BABAM2: variants seen among roughly 807,000 people sequenced by gnomAD.
BABAM2 encodes BRISC and BRCA1 A complex member 2, also known as BRISC and BRCA1-A complex member 2.
A neutral mutation model predicts 54.7 loss-of-function variants in BABAM2; 31 were observed. The ratio of observed to expected loss-of-function variants is 0.57; its 90% CI spans 0.43 to 0.77. The LOEUF (loss-of-function observed/expected upper bound fraction) is 0.77, where lower values mean the gene tolerates loss of function less well. Ranked by LOEUF, BABAM2 falls within the 30% of genes least tolerant of loss-of-function variation. The probability of loss-of-function intolerance (pLI) is 0.00; values close to 1 mark genes in which losing one functional copy is unlikely to be tolerated. For synonymous variants in BABAM2, 167 were observed against 162.9 expected (o/e 1.03, Z -0.19); for missense variants, 364 against 455.8 (o/e 0.80, Z 1.83).
intron 11 of BABAM2, among the ~76,000 whole-genome samples, chr2:28,333,109 T>G (rs910700904): frequency 1.3e-5 from 2 of 151,946 alleles, no homozygotes; most frequent in African/African-American, 2.4e-5. Flanking sequence ...CCCATGATAA[T>G]AGTTGACATC....
chr2:27,918,763 A>G (rs1190232397), intron 2 of BABAM2, among the ~76,000 whole-genome samples: 1 of 151,966 alleles, frequency 6.6e-6, no homozygotes, highest in African/African-American at 2.4e-5. Context: ...ATGATGGCTC[A>G]CTGCAGTCTT....
chr2:28,264,129 G>C (rs933726367), intron 10 of BABAM2, among the ~76,000 whole-genome samples: 3 of 152,122 alleles, frequency 2.0e-5, no homozygotes, highest in Admixed American at 6.5e-5. Flanking sequence ...AGTCTTTCCA[G>C]CTAGGCTTTC....
intron 7 of BABAM2, among the ~76,000 whole-genome samples, chr2:28,189,672 T>A (rs1676691887): frequency 6.6e-6 from 1 of 152,044 alleles, no homozygotes. Context: ...GGGCCAGAAG[T>A]CTCAGTATTA....
intron 5 of BABAM2, among the ~76,000 whole-genome samples, chr2:28,041,574 G>C (rs964285307): frequency 1.3e-5 from 2 of 152,104 alleles, no homozygotes; most frequent in African/African-American, 4.8e-5. Context: ...AGAGTTTCTG[G>C]GTGACTTTGA....
chr2:27,947,350 C>T (rs1669372846), intron 3 of BABAM2, among the ~76,000 whole-genome samples: 1 of 152,052 alleles, frequency 6.6e-6, no homozygotes, highest in African/African-American at 2.4e-5. Flanking sequence ...GTTCAGAATA[C>T]ATATCTTTAA....
At chr2:28,222,089 T>C (rs1393445440) in intron 7 of BABAM2, among the ~76,000 whole-genome samples, 1 of 152,204 alleles carries the variant, frequency 6.6e-6, no homozygotes, top group Non-Finnish European at 1.5e-5. Context: ...CCGGAAGCTC[T>C]GTGGTGGACC....
chr2:28,112,966 C>T (rs1309972645), intron 6 of BABAM2, among the ~76,000 whole-genome samples: 1 of 151,984 alleles, frequency 6.6e-6, no homozygotes, highest in Non-Finnish European at 1.5e-5. Context: ...TGATGATGAG[C>T]TTTTTTCATG....
chr2:28,174,416 CAA>C (rs1179651138), intron 7 of BABAM2, among the ~76,000 whole-genome samples: 2 of 152,174 alleles, frequency 1.3e-5, no homozygotes, highest in Non-Finnish European at 2.9e-5. Flanking sequence ...GCCTCCTCCA[CAA>C]AGAGGAACCA....
chr2:28,186,865 G>A (rs904349472), intron 7 of BABAM2, among the ~76,000 whole-genome samples: 1 of 151,548 alleles, frequency 6.6e-6, no homozygotes, highest in Non-Finnish European at 1.5e-5. Flanking sequence ...GAGTGCAGTG[G>A]CATGATCTCG....
chr2:27,962,502 GA>G (rs1345351677), intron 3 of BABAM2, among the ~76,000 whole-genome samples: 1 of 152,136 alleles, frequency 6.6e-6, no homozygotes, highest in Non-Finnish European at 1.5e-5. Context: ...ATTTGTGAGT[GA>G]AAAAATTGGG....
chr2:28,144,191 C>G (rs1671303310), intron 7 of BABAM2, among the ~76,000 whole-genome samples: 1 of 152,150 alleles, frequency 6.6e-6, no homozygotes, highest in African/African-American at 2.4e-5. Flanking sequence ...TTGTAAATAC[C>G]TGATGTATTA....
intron 3 of BABAM2, among the ~76,000 whole-genome samples, chr2:27,937,281 A>T (rs1465091726): frequency 1.3e-5 from 2 of 152,152 alleles, no homozygotes; most frequent in African/African-American, 4.8e-5. Context: ...TTCAGTTCAG[A>T]TGCAGTTTGT....
At chr2:28,097,696 C>CT (rs1666743292) in intron 6 of BABAM2, among the ~76,000 whole-genome samples, 1 of 152,118 alleles carries the variant, frequency 6.6e-6, no homozygotes, top group Non-Finnish European at 1.5e-5. Context: ...TAATATTCTA[C>CT]TTTTTTGGCA....
chr2:27,916,201 A>T (rs1473625089), intron 2 of BABAM2, among the ~76,000 whole-genome samples: 2 of 152,212 alleles, frequency 1.3e-5, no homozygotes, highest in Admixed American at 1.3e-4. Context: ...TATGCAAATA[A>T]TATAAAATAT....
At chr2:28,100,512 A>G (rs570171825) in intron 6 of BABAM2, among the ~76,000 whole-genome samples, 1 of 151,098 alleles carries the variant, frequency 6.6e-6, no homozygotes, top group African/African-American at 2.4e-5. Flanking sequence ...AAAGTCACCT[A>G]GTTGAAAAAC....
chr2:28,155,313 G>A (rs917769646), intron 7 of BABAM2, among the ~76,000 whole-genome samples: 1 of 152,112 alleles, frequency 6.6e-6, no homozygotes, highest in African/African-American at 2.4e-5. Flanking sequence ...ATGATTTATG[G>A]TGGCTTTTGC....
intron 9 of BABAM2, among the ~76,000 whole-genome samples, 197 bp downstream of exon 9, chr2:28,241,590 G>A (rs1682437880): frequency 6.6e-6 from 1 of 152,040 alleles, no homozygotes; most frequent in Non-Finnish European, 1.5e-5. Flanking sequence ...CACTTCCCGA[G>A]TTCAAGCGAT....
intron 3 of BABAM2, among the ~76,000 whole-genome samples, chr2:27,959,074 A>G (rs1248776044): frequency 6.6e-6 from 1 of 152,236 alleles, no homozygotes; most frequent in African/African-American, 2.4e-5. Context: ...ATGAAGCTTT[A>G]GAGAGCTTTT....
intron 5 of BABAM2, among the ~76,000 whole-genome samples, chr2:28,033,059 C>G (rs1430911569): frequency 6.6e-6 from 1 of 152,096 alleles, no homozygotes; most frequent in Non-Finnish European, 1.5e-5. Context: ...ATCTCTACTG[C>G]TACCCGTTTG....
Sources: allele counts gnomAD v4.1 joint callset (sites outside exome capture counted in the v4.1 genomes callset), GRCh38; gene constraint gnomAD v4.1.1; transcripts MANE v1.5; gene names NCBI Gene and HGNC (gene_info 2026-07-23, HGNC 2026-07-21).